The following MBTD1 variants were observed in gnomAD, a reference collection of about 807,000 sequenced individuals.
MBTD1 encodes MBT domain-containing protein 1.
In MBTD1, 24 loss-of-function variants were observed where a neutral mutation model predicts 87.8. The ratio of observed to expected loss-of-function variants is 0.27; its 90% CI spans 0.20 to 0.38. MBTD1 has a LOEUF of 0.38. MBTD1 is among the 10% of genes least tolerant of loss of function. MBTD1 has a pLI of 1.00. For synonymous variants in MBTD1, 237 were observed against 248.6 expected (o/e 0.95, Z 0.44); for missense variants, 436 against 760.2 (o/e 0.57, Z 5.02).
At chr17:51,210,709 T>C (rs1386510876) in intron 6 of MBTD1, among the ~76,000 whole-genome samples, 1 of 151,930 alleles carries the variant, frequency 6.6e-6, no homozygotes, top group Non-Finnish European at 1.5e-5. Flanking sequence ...TGAGCCAAGA[T>C]TGTGCTACTG....
rs553093197 is a variant in MBTD1 at position 51,213,781 on chromosome 17, T to C, written c.486+3553A>G. ...AACTGCCAACGATGGGGTGTTCAAA[T>C]GTCAGGAGCCAAGGCTCTGGCAGCA... On this transcript the variant is annotated intron_variant, in intron 6 of 16. Transcript: ENST00000586178. 7.2e-5 allele frequency among the ~76,000 whole-genome samples: 11 copies of C among 152,328 alleles called. No homozygotes were observed. In the South Asian group the frequency reaches 1.9e-3, roughly 26 times the overall value.
intron 16 of MBTD1, chr17:51,186,473 C>T (rs2050539996): frequency 6.6e-6 from 1 of 151,990 alleles, no homozygotes; most frequent in Non-Finnish European, 1.5e-5. Context: ...AAATGAATTA[C>T]AGAGAGCTTT....
intron 2 of MBTD1, chr17:51,256,427 T>A (rs1441345530): frequency 6.6e-6 from 1 of 152,202 alleles, no homozygotes; most frequent in Non-Finnish European, 1.5e-5. Flanking sequence ...AATCTCCTAA[T>A]GGAGTGTTTC....
At chr17:51,257,292 T>C (rs1455918489) in intron 2 of MBTD1, among the ~76,000 whole-genome samples, 1 of 152,242 alleles carries the variant, frequency 6.6e-6, no homozygotes, top group Admixed American at 6.5e-5. Flanking sequence ...TTAGCAAACA[T>C]TTTAAAGATG....
intron 2 of MBTD1, among the ~76,000 whole-genome samples, chr17:51,226,016 T>A (rs1249776698): frequency 6.6e-6 from 1 of 150,376 alleles, no homozygotes; most frequent in African/African-American, 2.4e-5. Flanking sequence ...TGAACTCAGG[T>A]GATCCGCCCA....
Position 51,179,506 on chromosome 17 carries a change from A to ATATATATATATT in MBTD1, c.*1069_*1070insAATATATATATA, listed in dbSNP as rs1598263040. Reference sequence around the variant, plus strand: ...ATTTTATATATATATATATATATATATATATATATATATATATATATATAT... The same window carrying ATATATATATATT: ...ATTTTATATATATATATATATATATATATATATATATTTATATATATATATATATATATATAT... On this transcript the variant is annotated 3_prime_UTR_variant, in exon 17 of 17. Transcript: ENST00000586178. 1.2e-5 allele frequency: 1 copy of ATATATATATATT among 82,334 alleles called. No individual in the cohort carries two copies. 5.1% of individuals were successfully genotyped at this position (82,334 alleles called of 1,614,324 possible). A position where few individuals can be genotyped will look rare whatever the true frequency, so the allele number is the denominator to read the frequency against.
At chr17:51,205,604 G>C (rs1452305483) in intron 7 of MBTD1, among the ~76,000 whole-genome samples, 1 of 152,184 alleles carries the variant, frequency 6.6e-6, no homozygotes, top group Non-Finnish European at 1.5e-5. Context: ...ACTCTTGCAA[G>C]AGTAACCCAA....
At chr17:51,245,050 G>A (rs984896708) in intron 2 of MBTD1, among the ~76,000 whole-genome samples, 1 of 152,026 alleles carries the variant, frequency 6.6e-6, no homozygotes, top group Non-Finnish European at 1.5e-5. Context: ...ACAGGCGTGT[G>A]CCACCACGCC....
rs1256735543 is a variant in MBTD1, at chr17:51,179,516, A to ATTTATATT, written c.*1059_*1060insAATATAAA. On this transcript the variant is annotated 3_prime_UTR_variant, in exon 17 of 17. Transcript: ENST00000586178. ...TATATATATATATATATATATATAT[A>ATTTATATT]TATATATATATATATATATATGGAA... 1.1e-5 allele frequency: 1 copy of ATTTATATT among 87,992 alleles called. No homozygotes were observed. Among genetic ancestry groups the ATTTATATT allele is most frequent in the Non-Finnish European group, 2.3e-5 (1 of 43,592 alleles). The allele number at this position is 87,992 out of a possible 1,614,324, so 5.5% of individuals were successfully genotyped here. A position where few individuals can be genotyped will look rare whatever the true frequency, so the allele number is the denominator to read the frequency against.
chr17:51,190,854 G>C (rs2050774627), intron 16 of MBTD1, among the ~76,000 whole-genome samples: 1 of 149,246 alleles, frequency 6.7e-6, no homozygotes, highest in Non-Finnish European at 1.5e-5. Context: ...GCTGAGGTGG[G>C]CAGAGTGCTT....
chr17:51,259,301 T>G, intron 1 of MBTD1, 95 bp from the exon 2 acceptor site: 2 of 1,226,074 alleles, frequency 1.6e-6, no homozygotes, highest in Non-Finnish European at 2.0e-6. Context: ...CCTTGGAGGC[T>G]GCTTCCCAAA....
intron 16 of MBTD1, among the ~76,000 whole-genome samples, chr17:51,191,097 A>G (rs1237144912): frequency 6.6e-6 from 1 of 152,104 alleles, no homozygotes; most frequent in Admixed American, 6.6e-5. Context: ...CTCAAAAAAG[A>G]ATGAAACATT....
At chr17:51,228,190 G>C (rs1420587158) in intron 2 of MBTD1, among the ~76,000 whole-genome samples, 1 of 151,998 alleles carries the variant, frequency 6.6e-6, no homozygotes, top group Non-Finnish European at 1.5e-5. Context: ...TGGACACATA[G>C]AGGAAACAGC....
upstream of MBTD1, chr17:51,260,512 G>T: frequency 6.8e-7 from 1 of 1,476,644 alleles, no homozygotes; most frequent in Non-Finnish European, 9.0e-7. Context: ...CGGCGGCGGC[G>T]GCCCGCGAGG....
intron 2 of MBTD1, among the ~76,000 whole-genome samples, chr17:51,240,289 A>G (rs1159640766): frequency 1.3e-5 from 2 of 152,166 alleles, no homozygotes; most frequent in Non-Finnish European, 2.9e-5. Context: ...ACTGTCATTA[A>G]CTAAAGTCTA....
chr17:51,249,588 A>G (rs1450674829), intron 2 of MBTD1: 2 of 151,786 alleles, frequency 1.3e-5, no homozygotes, highest in South Asian at 2.1e-4. Flanking sequence ...TGGGGTTTCT[A>G]TTTGCCTGGT....
chr17:51,200,559 CAAAA>C (rs34253360), intron 12 of MBTD1, among the ~76,000 whole-genome samples: 1 of 62,288 alleles, frequency 1.6e-5, no homozygotes, highest in African/African-American at 7.1e-5. Context: ...GATACCATCT[CAAAA>C]AAAAAAAAAA....
chr17:51,214,680 T>C (rs2052465830), intron 6 of MBTD1, among the ~76,000 whole-genome samples: 1 of 152,114 alleles, frequency 6.6e-6, no homozygotes, highest in African/African-American at 2.4e-5. Flanking sequence ...TGGGTGTTCT[T>C]TCATAAATTA....
At chr17:51,254,276 T>C (rs1390951368) in intron 2 of MBTD1, among the ~76,000 whole-genome samples, 1 of 152,220 alleles carries the variant, frequency 6.6e-6, no homozygotes, top group Admixed American at 6.5e-5. Flanking sequence ...AAGCACATTC[T>C]GGTATAGTGA....
Sources: allele counts gnomAD v4.1 joint callset (sites outside exome capture counted in the v4.1 genomes callset), GRCh38; gene constraint gnomAD v4.1.1; transcripts MANE v1.5; gene names NCBI Gene and HGNC (gene_info 2026-07-23, HGNC 2026-07-21).